WDR48: variants seen among roughly 807,000 people sequenced by gnomAD.
The protein encoded by WDR48 is WD repeat domain 48, also known as WD repeat-containing protein 48.
In WDR48, 22 loss-of-function variants were observed where a neutral mutation model predicts 94.0. The observed-to-expected ratio is 0.23, with a 90% confidence interval of 0.17 to 0.33. WDR48 has a LOEUF of 0.33. Among genes scored for constraint, WDR48 ranks in the 10% least tolerant of loss-of-function variants. WDR48 has a pLI of 1.00. For synonymous variants in WDR48, 278 were observed against 280.5 expected (o/e 0.99, Z 0.09); for missense variants, 541 against 813.8 (o/e 0.66, Z 4.08).
chr3:39,061,552 A>G (rs776155523), intron 1 of WDR48, among the ~76,000 whole-genome samples: 4 of 152,168 alleles, frequency 2.6e-5, no homozygotes, highest in Non-Finnish European at 5.9e-5. Flanking sequence ...TAGTGCTGCA[A>G]TAAACATACG....
At chr3:39,067,061 T>A (rs2033652395) in intron 5 of WDR48, among the ~76,000 whole-genome samples, 186 bp downstream of exon 5, 1 of 152,202 alleles carries the variant, frequency 6.6e-6, no homozygotes. Flanking sequence ...CTCACTGCAG[T>A]CTAAAAATGG....
chr3:39,085,797 A>C (rs111843506), intron 14 of WDR48, among the ~76,000 whole-genome samples, 187 bp downstream of exon 14: 1,777 of 152,352 alleles, frequency 0.012, 32 homozygotes, highest in African/African-American at 0.04. Flanking sequence ...ATTCCAAAAG[A>C]GCAGACCACC....
chr3:39,094,338 T>A (rs1258203908), intron 18 of WDR48: 2 of 1,424,540 alleles, frequency 1.4e-6, no homozygotes, highest in Non-Finnish European at 1.8e-6. Flanking sequence ...ATGTGCCATG[T>A]TTATGATTTA....
At chr3:39,053,513 A>C (rs1310411293) in intron 1 of WDR48, among the ~76,000 whole-genome samples, 1 of 152,244 alleles carries the variant, frequency 6.6e-6, no homozygotes, top group Non-Finnish European at 1.5e-5. Context: ...TATCACCAGC[A>C]TCCAAGGCAG....
At chr3:39,084,856 C>A in intron 13 of WDR48, 115 bp downstream of exon 13, 1 of 771,298 alleles carries the variant, frequency 1.3e-6, no homozygotes, top group South Asian at 1.8e-5. Flanking sequence ...TTGACTATGT[C>A]CTAAAAATGT....
At chr3:39,092,906 C>CACACACACACACACA (rs1340352588) in intron 17 of WDR48, among the ~76,000 whole-genome samples, 3 of 151,680 alleles carry the variant, frequency 2.0e-5, no homozygotes, top group African/African-American at 7.3e-5. Context: ...CACACACACA[C>CACACACACACACACA]AATTATTTTA....
intron 2 of WDR48, among the ~76,000 whole-genome samples, chr3:39,063,786 A>C (rs1371518200): frequency 2.0e-5 from 3 of 151,894 alleles, no homozygotes; most frequent in Non-Finnish European, 4.4e-5. Context: ...CTGCAAAAAA[A>C]AAAACTTAAA....
intron 17 of WDR48, 137 bp from the exon 18 acceptor site, chr3:39,093,737 T>G: frequency 1.0e-6 from 1 of 971,948 alleles, no homozygotes; most frequent in Non-Finnish European, 1.4e-6. Flanking sequence ...GCTCTAAAAA[T>G]GGATTAAGGT....
intron 7 of WDR48, among the ~76,000 whole-genome samples, chr3:39,072,623 T>G (rs973935672): frequency 1.3e-5 from 2 of 152,194 alleles, no homozygotes; most frequent in African/African-American, 4.8e-5. Flanking sequence ...ACTATTCCAC[T>G]AAATCTGATT....
intron 13 of WDR48, among the ~76,000 whole-genome samples, chr3:39,084,953 C>T (rs746752811): frequency 5.9e-5 from 9 of 152,192 alleles, no homozygotes; most frequent in Non-Finnish European, 1.0e-4. Flanking sequence ...CTCGGCCAGG[C>T]GCAGTGGCTC....
intron 18 of WDR48, 90 bp downstream of exon 18, chr3:39,094,156 T>C: frequency 6.6e-7 from 1 of 1,512,004 alleles, no homozygotes; most frequent in African/African-American, 1.4e-5. Flanking sequence ...CTTCTACTTT[T>C]AGAGGGGCTC....
At chr3:39,061,234 T>A (rs1467106196) in intron 1 of WDR48, among the ~76,000 whole-genome samples, 1 of 152,148 alleles carries the variant, frequency 6.6e-6, no homozygotes, top group African/African-American at 2.4e-5. Context: ...TTTCTCCTAA[T>A]GCTATCCCTC....
intron 7 of WDR48, among the ~76,000 whole-genome samples, chr3:39,071,410 C>G (rs934468644): frequency 6.6e-6 from 1 of 152,154 alleles, no homozygotes; most frequent in Non-Finnish European, 1.5e-5. Flanking sequence ...GATGGTTGCC[C>G]GTGTCTCTTC....
chr3:39,062,966 G>C, intron 1 of WDR48, 84 bp from the exon 2 acceptor site: 1 of 1,506,788 alleles, frequency 6.6e-7, no homozygotes, highest in Non-Finnish European at 9.0e-7. Context: ...GGGATTTTCT[G>C]TTTCAGATTG....
intron 7 of WDR48, among the ~76,000 whole-genome samples, chr3:39,071,902 A>C (rs2033955958): frequency 6.6e-6 from 1 of 152,212 alleles, no homozygotes; most frequent in African/African-American, 2.4e-5. Context: ...AAAAAACTAT[A>C]ATTACTTATT....
intron 12 of WDR48, 82 bp downstream of exon 12, chr3:39,084,344 T>A (rs2034697946): frequency 3.9e-6 from 4 of 1,023,398 alleles, no homozygotes; most frequent in Non-Finnish European, 5.4e-6. Flanking sequence ...AGTTACAGAG[T>A]CCTGTGTTTT....
Position 39,094,899 on chromosome 3 carries a change from A to T in WDR48, c.*156A>T, listed in dbSNP as rs941604969. 3.0e-6 allele frequency: 3 copies of T among 994,320 alleles called. No individual in the cohort carries two copies. The highest frequency in any genetic ancestry group is 4.4e-6 in the Non-Finnish European group (3 of 682,676). The allele number at this position is 994,320 out of a possible 1,614,324, so 61.6% of individuals were successfully genotyped here. ...CTTTCAATTGAAGTGACTAATCGAG[A>T]TGTAATATAGAAACCAGTCTCCATG... On this transcript the variant is annotated 3_prime_UTR_variant, in exon 19 of 19. Transcript: ENST00000302313.
intron 1 of WDR48, among the ~76,000 whole-genome samples, chr3:39,060,438 GCACACACA>G (rs1201343918): frequency 2.9e-5 from 4 of 137,520 alleles, no homozygotes; most frequent in African/African-American, 1.1e-4. Flanking sequence ...ATATATATAT[GCACACACA>G]CACATCACAT....
At chr3:39,064,165 CATTT>C (rs1171841658) in intron 2 of WDR48, among the ~76,000 whole-genome samples, 1 of 152,042 alleles carries the variant, frequency 6.6e-6, no homozygotes, top group African/African-American at 2.4e-5. Flanking sequence ...AAAAAAAGAG[CATTT>C]ATTGATCTTC....
Sources: allele counts gnomAD v4.1 joint callset (sites outside exome capture counted in the v4.1 genomes callset), GRCh38; gene constraint gnomAD v4.1.1; transcripts MANE v1.5; gene names NCBI Gene and HGNC (gene_info 2026-07-23, HGNC 2026-07-21).